Variants in TOM1L2 observed in about 807,000 individuals in gnomAD.
The protein encoded by TOM1L2 is target of myb1 like 2 membrane trafficking protein.
In TOM1L2, 31 loss-of-function variants were observed where a neutral mutation model predicts 67.9. The ratio of observed to expected loss-of-function variants is 0.46; its 90% CI spans 0.34 to 0.62. The LOEUF is 0.62. TOM1L2 is among the 20% of genes least tolerant of loss of function. The pLI, the probability that TOM1L2 is intolerant of heterozygous loss-of-function variation, is 0.01. For synonymous variants in TOM1L2, 256 were observed against 254.0 expected (o/e 1.01, Z -0.07); for missense variants, 606 against 663.5 (o/e 0.91, Z 0.95).
chr17:17,914,236 C>T (rs894295224), intron 1 of TOM1L2, among the ~76,000 whole-genome samples: 1 of 152,166 alleles, frequency 6.6e-6, no homozygotes, highest in East Asian at 1.9e-4. Context: ...GCTCCCAGCA[C>T]ACCTGGGGCT....
chr17:17,964,105 G>A (rs2041795592), intron 1 of TOM1L2, among the ~76,000 whole-genome samples: 1 of 152,192 alleles, frequency 6.6e-6, no homozygotes, highest in South Asian at 2.1e-4. Flanking sequence ...ACTGAATGGA[G>A]AAAAGCAGAG....
rs200998156 is a variant in TOM1L2 at position 17,923,530 on chromosome 17, T to A, written c.53-15999A>T. Among the ~76,000 whole-genome samples, 63 of 150,082 alleles carry A rather than the reference T, an allele frequency of 4.2e-4. 1 individual carries two copies. Among genetic ancestry groups the A allele is most frequent in the South Asian group, 4.0e-3 (19 of 4,712 alleles). ...GAGACCCTGTCTCTACAAAAAAAAA[T>A]TTTTTTTTAATTAGCTGGGCGCAGT... On this transcript the variant is annotated intron_variant, in intron 1 of 14. Coordinates refer to ENST00000379504, the MANE Select transcript of TOM1L2 (RefSeq NM_001082968.2).
chr17:17,856,308 C>T (rs549844374), intron 12 of TOM1L2, among the ~76,000 whole-genome samples: 2 of 152,406 alleles, frequency 1.3e-5, no homozygotes, highest in African/African-American at 2.4e-5. Flanking sequence ...TGGGCCAGCA[C>T]ATCTCTCTAA....
intron 2 of TOM1L2, among the ~76,000 whole-genome samples, chr17:17,905,529 G>T (rs1476586022): frequency 6.6e-6 from 1 of 152,142 alleles, no homozygotes; most frequent in African/African-American, 2.4e-5. Context: ...CCTCCTCACT[G>T]GGTTTTCTTT....
rs756748438 is a variant in TOM1L2, at chr17:17,862,854, G to A, written c.1085-6C>T. 1.6e-5 allele frequency: 26 copies of A among 1,587,076 alleles called. No homozygotes were observed. Among genetic ancestry groups the A allele is most frequent in the Non-Finnish European group, 2.2e-5 (26 of 1,162,802 alleles). On this transcript the variant is annotated splice_region_variant and splice_polypyrimidine_tract_variant and intron_variant, in intron 10 of 14. Coordinates refer to ENST00000379504, the MANE Select transcript of TOM1L2 (RefSeq NM_001082968.2). ...GACGCTCTCTGTCCCCAAGTCTGTG[G>A]CAACAAAACAAATGGGTGGCAGATG...
chr17:17,857,728 T>A, intron 12 of TOM1L2: 1 of 1,505,440 alleles, frequency 6.6e-7, no homozygotes, highest in Non-Finnish European at 8.9e-7. Flanking sequence ...AGGTAGGGGC[T>A]GGGGTGGACA....
At chr17:17,878,507 G>A (rs1748872249) in intron 7 of TOM1L2, among the ~76,000 whole-genome samples, 1 of 150,840 alleles carries the variant, frequency 6.6e-6, no homozygotes, top group African/African-American at 2.5e-5. Flanking sequence ...ACCCCCATAA[G>A]AGCCGATGGC....
At chr17:17,859,134 T>A (rs537673630) in intron 12 of TOM1L2, 10 of 152,338 alleles carry the variant, frequency 6.6e-5, no homozygotes, top group African/African-American at 2.4e-4. Context: ...CCGAGTGCAA[T>A]GGCATGATGT....
At chr17:17,924,712 C>T (rs2040015010) in intron 1 of TOM1L2, among the ~76,000 whole-genome samples, 1 of 152,138 alleles carries the variant, frequency 6.6e-6, no homozygotes, top group Non-Finnish European at 1.5e-5. Flanking sequence ...CTGCAGCGAA[C>T]CGTGATCACA....
chr17:17,847,842 G>A (rs944497901), intron 14 of TOM1L2, 59 bp from the exon 15 acceptor site: 124 of 1,607,458 alleles, frequency 7.7e-5, no homozygotes, highest in Non-Finnish European at 9.4e-5. Context: ...CAGAGGAAGC[G>A]CACCCTTCCA....
chr17:17,970,397 C>A (rs1016504374), intron 1 of TOM1L2, among the ~76,000 whole-genome samples: 1 of 152,176 alleles, frequency 6.6e-6, no homozygotes, highest in Non-Finnish European at 1.5e-5. Context: ...TAACTTCTAC[C>A]CCTCATTTAC....
At chr17:17,874,812 T>C (rs981622777) in intron 7 of TOM1L2, among the ~76,000 whole-genome samples, 1 of 152,186 alleles carries the variant, frequency 6.6e-6, no homozygotes, top group South Asian at 2.1e-4. Context: ...GCTCCAATCC[T>C]GGAGAAGCAT....
chr17:17,888,257 A>T (rs942484132), intron 4 of TOM1L2, among the ~76,000 whole-genome samples: 36 of 152,234 alleles, frequency 2.4e-4, no homozygotes, highest in Admixed American at 1.3e-3. Context: ...GAAGACCCAG[A>T]GGAAGGTCTA....
chr17:17,871,108 C>T (rs9908017), intron 7 of TOM1L2, among the ~76,000 whole-genome samples: 80,578 of 152,142 alleles, frequency 0.53, 22,457 homozygotes, highest in Non-Finnish European at 0.63. Context: ...TGGTGGCTCA[C>T]GCCTGTAATC....
At chr17:17,951,994 A>G (rs1411602452) in intron 1 of TOM1L2, among the ~76,000 whole-genome samples, 2 of 152,216 alleles carry the variant, frequency 1.3e-5, no homozygotes, top group Non-Finnish European at 2.9e-5. Context: ...ATAGTCTGAC[A>G]TGAGCATTTT....
chr17:17,967,217 C>T (rs912787909), intron 1 of TOM1L2, among the ~76,000 whole-genome samples: 2 of 152,218 alleles, frequency 1.3e-5, no homozygotes, highest in Non-Finnish European at 2.9e-5. Context: ...AGTCAGTCTA[C>T]AAACAAACTC....
At chr17:17,890,982 G>T (rs1390848643) in intron 4 of TOM1L2, among the ~76,000 whole-genome samples, 1 of 152,206 alleles carries the variant, frequency 6.6e-6, no homozygotes, top group Non-Finnish European at 1.5e-5. Flanking sequence ...GTTACCAAAG[G>T]TAAGAGCTCT....
At chr17:17,890,989 C>T (rs1300057684) in intron 4 of TOM1L2, among the ~76,000 whole-genome samples, 1 of 152,228 alleles carries the variant, frequency 6.6e-6, no homozygotes, top group East Asian at 1.9e-4. Context: ...AAGGTAAGAG[C>T]TCTTCAGGAA....
rs931288701 is a variant in TOM1L2 at position 17,848,872 on chromosome 17, C to A, written c.1339-13G>T. The A allele has an allele frequency of 3.7e-6, 6 of 1,614,146 alleles. No homozygotes were observed. The highest frequency in any genetic ancestry group is 5.1e-6 in the Non-Finnish European group (6 of 1,180,018). ...GATCATCACCCTTCTGTGGGAGGAG[C>A]AGAGAAAATGAAATTAGGGCACTGG... On this transcript the variant is annotated splice_polypyrimidine_tract_variant and intron_variant, in intron 13 of 14. Transcript: ENST00000379504.
Sources: gnomAD v4.1 joint callset for allele counts (sites outside exome capture counted in the v4.1 genomes callset) on GRCh38, gnomAD v4.1.1 for gene constraint, MANE v1.5 for transcripts, NCBI Gene and HGNC (gene_info 2026-07-23, HGNC 2026-07-21) for gene names.